Variants in NLRC3 observed in about 807,000 individuals in gnomAD.
NLRC3 encodes the protein NLR family CARD domain containing 3, also known as NLR family CARD domain-containing protein 3.
In NLRC3, 87 loss-of-function variants were observed where a neutral mutation model predicts 91.6. The ratio of observed to expected loss-of-function variants is 0.95; its 90% CI spans 0.80 to 1.14. NLRC3 has a LOEUF of 1.14. Ranked by LOEUF, NLRC3 falls within the 50% of genes most tolerant of loss-of-function variation. The pLI, the probability that NLRC3 is intolerant of heterozygous loss-of-function variation, is 0.00. For synonymous variants in NLRC3, 694 were observed against 625.3 expected (o/e 1.11, Z -1.64); for missense variants, 1,577 against 1,418.6 (o/e 1.11, Z -1.79).
intron 5 of NLRC3, 95 bp downstream of exon 5, chr16:3,562,914 G>C: frequency 8.8e-7 from 1 of 1,142,136 alleles, no homozygotes; most frequent in Non-Finnish European, 1.3e-6. Context: ...GGCAGCCCTA[G>C]GAGACTGACA....
chr16:3,543,375 T>A (rs1048693657), intron 17 of NLRC3, 50 bp downstream of exon 17: 11 of 1,258,360 alleles, frequency 8.7e-6, no homozygotes, highest in Non-Finnish European at 1.3e-5. Flanking sequence ...CATTGAGAAT[T>A]CATTGATTTC....
intron 6 of NLRC3, among the ~76,000 whole-genome samples, chr16:3,559,794 A>G (rs1239511532): frequency 2.2e-4 from 33 of 151,130 alleles, no homozygotes; most frequent in Admixed American, 2.2e-3. Context: ...ACCCACCACC[A>G]CCACGACTGG....
intron 6 of NLRC3, among the ~76,000 whole-genome samples, chr16:3,558,168 C>T (rs575932223): frequency 2.0e-5 from 3 of 152,120 alleles, no homozygotes; most frequent in Admixed American, 2.0e-4. Context: ...ATAGGGAGAT[C>T]TTGTCTCCAC....
rs1354798828 is a variant in NLRC3, at chr16:3,539,443, G to C, written c.*2382C>G. On this transcript the variant is annotated 3_prime_UTR_variant, in exon 20 of 20. Coordinates refer to ENST00000359128, the MANE Select transcript of NLRC3 (RefSeq NM_178844.4). ...CTGAACTCCTTAACCATTTCAGACA[G>C]CTTGAAGATGTATGATCATTATTTG... 6.6e-6 allele frequency: 1 copy of C among 152,260 alleles called. No homozygotes were observed. Among genetic ancestry groups the C allele is most frequent in the Non-Finnish European group, 1.5e-5 (1 of 68,044 alleles). 9.4% of individuals were successfully genotyped at this position (152,260 alleles called of 1,614,324 possible).
intron 6 of NLRC3, among the ~76,000 whole-genome samples, chr16:3,559,636 T>C (rs1487066299): frequency 1.4e-5 from 2 of 147,916 alleles, no homozygotes; most frequent in Non-Finnish European, 3.0e-5. Flanking sequence ...CTTTTCTTTT[T>C]TTTTTTCTTT....
Position 3,564,457 on chromosome 16 carries a change from G to A in NLRC3, c.480C>T (p.Arg160=). 1.9e-6 allele frequency: 3 copies of A among 1,612,644 alleles called. No homozygotes were observed. Among genetic ancestry groups the A allele is most frequent in the Non-Finnish European group, 2.5e-6 (3 of 1,179,888 alleles). ...GKTTLVRHFV[R]LWAHGQVGKD... ...TGCCGACCTGCCCATGGGCCCAGAGGCGGACGAAGTGCCTCACCAGGGTGG... is the reference window on the plus strand; with the variant it reads ...TGCCGACCTGCCCATGGGCCCAGAGACGGACGAAGTGCCTCACCAGGGTGG... The change falls in exon 5 of 20, where the codon CGC becomes CGT. Residue 160 remains arginine (R), a synonymous_variant. Transcript: ENST00000359128. This position sits in a 1 kb window ranked among gnomAD's most constrained non-coding sequence, Gnocchi z 5.9.
intron 1 of NLRC3, among the ~76,000 whole-genome samples, chr16:3,568,924 A>G (rs965273541): frequency 2.0e-5 from 3 of 152,248 alleles, no homozygotes; most frequent in African/African-American, 7.2e-5. Flanking sequence ...GGTATAAAAG[A>G]TGATTGATTT....
In NLRC3 at chr16:3,541,749, C is replaced by T; in HGVS notation, c.*76G>A. 1 of 948,578 alleles carries T rather than the reference C, an allele frequency of 1.1e-6. No homozygotes were observed. The highest frequency in any genetic ancestry group is 1.7e-6 in the Non-Finnish European group (1 of 599,964). 58.8% of individuals were successfully genotyped at this position (948,578 alleles called of 1,614,324 possible). A position where few individuals can be genotyped will look rare whatever the true frequency, so the allele number is the denominator to read the frequency against. Reference sequence around the variant, plus strand: ...GCAGCGTTCCCAGCTCCCAGACAGGCCCCCCAGAAGTCGGCCTTTCTGTTC... The same window carrying T: ...GCAGCGTTCCCAGCTCCCAGACAGGTCCCCCAGAAGTCGGCCTTTCTGTTC... On this transcript the variant is annotated 3_prime_UTR_variant, in exon 20 of 20. Transcript: ENST00000359128.
chr16:3,565,516 G>A, intron 2 of NLRC3, 136 bp from the exon 3 acceptor site: 1 of 361,254 alleles, frequency 2.8e-6, no homozygotes, highest in Non-Finnish European at 5.3e-6. Context: ...CAGCCACTCT[G>A]GGGACGCTAC....
chr16:3,568,215 A>C (rs907646835), intron 1 of NLRC3, among the ~76,000 whole-genome samples: 6 of 152,198 alleles, frequency 3.9e-5, no homozygotes, highest in African/African-American at 1.2e-4. Context: ...TAAGTAAAAC[A>C]GTAAAGTAAA....
rs1388548019 is a variant in NLRC3, at chr16:3,564,988, C to T, written c.49G>A (p.Gly17Ser). The change falls in exon 4 of 20, where the codon GGT becomes AGT. Residue 17 changes from glycine (G) to serine (S), a missense_variant. Physicochemically the swap from Gly to Ser is moderately conservative, Grantham distance 56 (BLOSUM62 0). Coordinates refer to ENST00000359128, the MANE Select transcript of NLRC3 (RefSeq NM_178844.4). This position sits in a 1 kb window ranked among gnomAD's most constrained non-coding sequence, Gnocchi z 5.9. ...RTGREAGQGHGTGSPAEQVKA... is the reference protein window; with the variant it reads ...RTGREAGQGHSTGSPAEQVKA... Reference sequence around the variant, plus strand: ...ACCTGCTCGGCTGGGGAGCCCGTACCGTGGCCCTGGCCGGCCTCCCTGCCC... The same window carrying T: ...ACCTGCTCGGCTGGGGAGCCCGTACTGTGGCCCTGGCCGGCCTCCCTGCCC... The T allele has an allele frequency of 2.5e-5, 40 of 1,610,494 alleles. No individual in the cohort carries two copies. Among genetic ancestry groups the T allele is most frequent in the Middle Eastern group, 1.6e-4 (1 of 6,078 alleles).
At position 3,549,176 on chromosome 16, in the gene NLRC3, C is replaced by A. The variant is rs752373212; in HGVS notation, c.2569G>T (p.Ala857Ser). 9 of 1,588,108 alleles carry A rather than the reference C, an allele frequency of 5.7e-6. No homozygotes were observed. In the Middle Eastern group the frequency reaches 5.0e-4, roughly 88 times the overall value. The change falls in exon 13 of 20, where the codon GCC (alanine) becomes TCC (serine). Residue 857 changes from alanine to serine, a missense_variant. Coordinates refer to ENST00000359128, the MANE Select transcript of NLRC3 (RefSeq NM_178844.4). Reference protein sequence around the residue: ...SPEGAQAIAHALCANSTLKNL... With the variant: ...SPEGAQAIAHSLCANSTLKNL... ...TTCAGGGTGCTGTTGGCGCAGAGGG[C>A]ATGAGCGATGGCCTGGGCTCCCTCG...
Position 3,564,495 on chromosome 16 carries a change from C to T in NLRC3, c.442G>A (p.Gly148Ser), listed in dbSNP as rs745846109. 5.6e-6 allele frequency: 9 copies of T among 1,612,466 alleles called. No homozygotes were observed. The East Asian group carries it at 8.9e-5, about 16-fold the overall frequency. Residue 148 changes from glycine to serine, a missense_variant, in exon 5 of 20, where the codon GGC becomes AGC. Coordinates refer to ENST00000359128, the MANE Select transcript of NLRC3 (RefSeq NM_178844.4). The surrounding 1 kb of genome is among the most constrained non-coding windows in gnomAD (Gnocchi z 5.9). ...PRVSITIGVA[G>S]MGKTTLVRHF... ...CTCACCAGGGTGGTCTTGCCCATGC[C>T]GGCCACCCCGATAGTGATGGAGACC...
At chr16:3,566,001 C>A (rs955456847) in intron 2 of NLRC3, among the ~76,000 whole-genome samples, 1 of 150,840 alleles carries the variant, frequency 6.6e-6, no homozygotes. Context: ...GATCACACCA[C>A]GGCACTCCAG....
In NLRC3 at chr16:3,544,290, C is replaced by A. The variant is rs368371112; in HGVS notation, c.2811G>T (p.Ala937=). 1 of 1,613,460 alleles carries A rather than the reference C, an allele frequency of 6.2e-7. No individual in the cohort carries two copies. Among genetic ancestry groups the A allele is most frequent in the Non-Finnish European group, 8.5e-7 (1 of 1,179,450 alleles). Reference sequence around the variant, plus strand: ...TGTTGACCTTCAGTGCACGGGCCACCGCACACGCTCCGTCATCCCCGATGG... The same window carrying A: ...TGTTGACCTTCAGTGCACGGGCCACAGCACACGCTCCGTCATCCCCGATGG... ...ENAIGDDGAC[A]VARALKVNTA... Residue 937 remains alanine, a synonymous_variant, in exon 16 of 20, where the codon GCG becomes GCT. Coordinates refer to ENST00000359128, the MANE Select transcript of NLRC3 (RefSeq NM_178844.4).
chr16:3,565,923 C>T (rs1289758808), intron 2 of NLRC3, among the ~76,000 whole-genome samples: 1 of 151,192 alleles, frequency 6.6e-6, no homozygotes, highest in Non-Finnish European at 1.5e-5. Flanking sequence ...GCCAGTAGTC[C>T]CAGCTACTTG....
At position 3,541,653 on chromosome 16, in the gene NLRC3, G is replaced by A. The variant is rs1356581942; in HGVS notation, c.*172C>T. 3 of 605,834 alleles carry A rather than the reference G, an allele frequency of 5.0e-6. No homozygotes were observed. The highest frequency in any genetic ancestry group is 8.8e-6 in the Non-Finnish European group (3 of 339,578). The allele number at this position is 605,834 out of a possible 1,614,324, so 37.5% of individuals were successfully genotyped here. On this transcript the variant is annotated 3_prime_UTR_variant, in exon 20 of 20. Coordinates refer to ENST00000359128, the MANE Select transcript of NLRC3 (RefSeq NM_178844.4). ...TGCCTGGACCACTCCTGCAGCAGAA[G>A]AGGAGCTCACGACCTCCTCCGGCAG...
At chr16:3,554,804 C>T (rs536512537) in intron 8 of NLRC3, among the ~76,000 whole-genome samples, 14 of 152,280 alleles carry the variant, frequency 9.2e-5, no homozygotes, top group Admixed American at 7.2e-4. Flanking sequence ...CACTGGAAGT[C>T]GTATTCACCA....
In NLRC3 at chr16:3,543,423, A is replaced by C. The variant is rs755334059; in HGVS notation, c.2939+2T>G. 34 of 1,604,610 alleles carry C rather than the reference A, an allele frequency of 2.1e-5. No homozygotes were observed. The highest frequency in any genetic ancestry group is 2.7e-5 in the Non-Finnish European group (32 of 1,172,708). On this transcript the variant is annotated splice_donor_variant, in intron 17 of 19. Coordinates refer to ENST00000359128, the MANE Select transcript of NLRC3 (RefSeq NM_178844.4). LOFTEE classifies it high-confidence loss of function. ...ACCATAGATGGAGACTGGAATACTT[A>C]CTCGAGAATCTCCAAGGTTCTGTTC...
Sources: allele counts gnomAD v4.1 joint callset (sites outside exome capture counted in the v4.1 genomes callset), GRCh38; gene constraint gnomAD v4.1.1; non-coding constraint Gnocchi (gnomAD v3.1); transcripts MANE v1.5; gene names NCBI Gene and HGNC (gene_info 2026-07-23, HGNC 2026-07-21).